Variants in WWOX observed in about 807,000 individuals in gnomAD.
The protein encoded by WWOX is WW domain containing oxidoreductase.
WWOX carries 69 observed loss-of-function variants against 46.2 expected under a neutral mutation model. The ratio of observed to expected loss-of-function variants is 1.49; its 90% confidence interval spans 1.23 to 1.82. WWOX has a LOEUF of 1.82. Ranked by LOEUF, WWOX falls within the 40% of genes most tolerant of loss-of-function variation. WWOX has a pLI of 0.00. For missense variants in WWOX, 919 were observed against 542.6 expected, an observed-to-expected ratio of 1.69 and a Z score of -6.89; for synonymous variants, 359 against 202.6, an observed-to-expected ratio of 1.77 and a Z score of -6.56.
chr16:78,285,040 G>C (rs573439214), intron 5 of WWOX, among the ~76,000 whole-genome samples: 3 of 152,266 alleles, frequency 2.0e-5, no homozygotes, highest in East Asian at 3.9e-4. Context: ...TGGCTAGCTG[G>C]TGGACTTAAA....
At chr16:78,543,316 G>A (rs922511962) in intron 8 of WWOX, among the ~76,000 whole-genome samples, 1 of 152,216 alleles carries the variant, frequency 6.6e-6, no homozygotes, top group African/African-American at 2.4e-5. Context: ...CCTGAAGAGG[G>A]TGGGAATGTC....
At chr16:78,786,813 A>G (rs1218271469) in intron 8 of WWOX, among the ~76,000 whole-genome samples, 1 of 152,202 alleles carries the variant, frequency 6.6e-6, no homozygotes. Context: ...TACATGCTTT[A>G]TGGATTTTTA....
chr16:78,358,884 T>TTTTTTA (rs71137890), intron 5 of WWOX, among the ~76,000 whole-genome samples: 11 of 148,768 alleles, frequency 7.4e-5, no homozygotes, highest in South Asian at 2.2e-4. Context: ...TTTTTTTTTT[T>TTTTTTA]AACCAGACAT....
chr16:78,969,755 C>G (rs1235044491), intron 8 of WWOX, among the ~76,000 whole-genome samples: 4 of 152,138 alleles, frequency 2.6e-5, no homozygotes, highest in Non-Finnish European at 5.9e-5. Flanking sequence ...ACAAAGGACC[C>G]TATGTTATAT....
intron 5 of WWOX, among the ~76,000 whole-genome samples, chr16:78,217,765 G>C (rs1365141501): frequency 6.6e-6 from 1 of 151,998 alleles, no homozygotes; most frequent in African/African-American, 2.4e-5. Flanking sequence ...TAATATATGG[G>C]GGTATAGGGA....
chr16:78,780,594 C>T (rs999495922), intron 8 of WWOX: 2 of 152,066 alleles, frequency 1.3e-5, no homozygotes, highest in East Asian at 1.9e-4. Flanking sequence ...GAAGCAACTT[C>T]GGGGGAGGAG....
intron 8 of WWOX, among the ~76,000 whole-genome samples, chr16:79,144,256 C>T (rs1261186166): frequency 6.6e-6 from 1 of 152,184 alleles, no homozygotes; most frequent in African/African-American, 2.4e-5. Flanking sequence ...CTCCAATCCC[C>T]CAGCTGTGTG....
At chr16:78,395,110 A>G (rs75219666) in intron 6 of WWOX, among the ~76,000 whole-genome samples, 3,234 of 152,304 alleles carry the variant, frequency 0.021, 102 homozygotes, top group East Asian at 0.068. Context: ...ATGATCTTAG[A>G]AAGGTTTCTG....
At chr16:78,650,955 G>A (rs753972874) in intron 8 of WWOX, among the ~76,000 whole-genome samples, 1 of 152,212 alleles carries the variant, frequency 6.6e-6, no homozygotes, top group Non-Finnish European at 1.5e-5. Flanking sequence ...AAACCTTATC[G>A]TAATGTGATT....
At chr16:78,669,656 G>A (rs1436291879) in intron 8 of WWOX, among the ~76,000 whole-genome samples, 1 of 152,182 alleles carries the variant, frequency 6.6e-6, no homozygotes, top group Non-Finnish European at 1.5e-5. Flanking sequence ...TACGTCACTT[G>A]TTTCTGTTCC....
chr16:79,036,591 T>C (rs895744434), intron 8 of WWOX, among the ~76,000 whole-genome samples: 1 of 152,190 alleles, frequency 6.6e-6, no homozygotes, highest in African/African-American at 2.4e-5. Context: ...AAGAGATGAA[T>C]GATCTGTCCT....
At chr16:78,561,400 A>AGAAACTCTCTCATGCATGTAGTT (rs1420484845) in intron 8 of WWOX, among the ~76,000 whole-genome samples, 2 of 152,254 alleles carry the variant, frequency 1.3e-5, no homozygotes, top group South Asian at 2.1e-4. Context: ...TCAAGGGCTC[A>AGAAACTCTCTCATGCATGTAGTT]CGTGATGAGG....
chr16:78,991,098 A>G (rs1265228464), intron 8 of WWOX, among the ~76,000 whole-genome samples: 3 of 152,194 alleles, frequency 2.0e-5, no homozygotes. Context: ...CCCAAAGAAG[A>G]GTTGTGGAGA....
At chr16:78,616,605 A>G (rs1342012813) in intron 8 of WWOX, among the ~76,000 whole-genome samples, 1 of 151,806 alleles carries the variant, frequency 6.6e-6, no homozygotes, top group East Asian at 2.0e-4. Flanking sequence ...CCCTGTCTCT[A>G]CTAAAACTAA....
chr16:78,487,108 A>C (rs140575744), intron 8 of WWOX, among the ~76,000 whole-genome samples: 9 of 152,346 alleles, frequency 5.9e-5, no homozygotes, highest in African/African-American at 2.2e-4. Context: ...CAGAAGCTAT[A>C]ACGAGATGAT....
chr16:78,755,460 A>C (rs2049620146), intron 8 of WWOX, among the ~76,000 whole-genome samples: 1 of 151,860 alleles, frequency 6.6e-6, no homozygotes, highest in African/African-American at 2.4e-5. Flanking sequence ...TGATTAATTT[A>C]AGGCTGCATG....
At chr16:79,168,014 G>C (rs550359047) in intron 8 of WWOX, among the ~76,000 whole-genome samples, 1 of 152,134 alleles carries the variant, frequency 6.6e-6, no homozygotes, top group African/African-American at 2.4e-5. Flanking sequence ...CGTTCACTTA[G>C]CATGCTGTTT....
chr16:78,590,691 T>G (rs1335209898), intron 8 of WWOX, among the ~76,000 whole-genome samples: 1 of 152,170 alleles, frequency 6.6e-6, no homozygotes, highest in Non-Finnish European at 1.5e-5. Context: ...GAGTAAGTAT[T>G]GAGAAGGCAC....
intron 8 of WWOX, among the ~76,000 whole-genome samples, chr16:78,542,805 T>C (rs1226125590): frequency 6.6e-6 from 1 of 152,188 alleles, no homozygotes; most frequent in African/African-American, 2.4e-5. Context: ...TCGTTTCCTT[T>C]CTTTCTTTCT....
Sources: gnomAD v4.1 joint callset for allele counts (sites outside exome capture counted in the v4.1 genomes callset) on GRCh38, gnomAD v4.1.1 for gene constraint, MANE v1.5 for transcripts, NCBI Gene and HGNC (gene_info 2026-07-23, HGNC 2026-07-21) for gene names.